APPL2: variants seen among roughly 807,000 people sequenced by gnomAD.
The protein encoded by APPL2 is adaptor protein, phosphotyrosine interacting with PH domain and leucine zipper 2, also known as DCC-interacting protein 13-beta.
Under a neutral mutation model 92.7 loss-of-function variants are expected in APPL2, and 84 were observed. That is an observed-to-expected ratio of 0.91 (90% CI 0.76 to 1.09). APPL2 has a LOEUF of 1.09. APPL2 is among the 50% of genes least tolerant of loss of function. The pLI, the probability that APPL2 is intolerant of heterozygous loss-of-function variation, is 0.00. For missense variants in APPL2, 736 were observed against 824.5 expected, an observed-to-expected ratio of 0.89 and a Z score of 1.31; for synonymous variants, 291 against 291.0, an observed-to-expected ratio of 1.00 and a Z score of 0.00.
chr12:105,186,645 G>GATATATAT (rs879884212), intron 17 of APPL2, among the ~76,000 whole-genome samples: 5 of 128,174 alleles, frequency 3.9e-5, no homozygotes, highest in Non-Finnish European at 6.4e-5. Flanking sequence ...TCATATATAT[G>GATATATAT]ATATCGATAT....
intron 9 of APPL2, among the ~76,000 whole-genome samples, chr12:105,199,812 T>C (rs1566071318): frequency 6.6e-6 from 1 of 152,194 alleles, no homozygotes; most frequent in East Asian, 1.9e-4. Flanking sequence ...ACAGTCTTTT[T>C]TTTTGTTGTT....
rs138491961 is a variant in APPL2 at position 105,211,248 on chromosome 12, G to T, written c.355C>A (p.Arg119=). 1.2e-5 allele frequency: 20 copies of T among 1,613,290 alleles called. No homozygotes were observed. The South Asian group carries it at 2.2e-4, about 18-fold the overall frequency. Residue 119 remains arginine (R), a synonymous_variant, in exon 5 of 21, where the codon CGA becomes AGA. Transcript: ENST00000258530. ...DTMVLPIIQF[R]EKDLTEVSTL... is the part of the protein sequence containing the mutation. ...ACTTTACCTGTGAGATCCTTTTCTC[G>T]GAATTGTATGATAGGTAGAACCATT...
Position 105,207,974 on chromosome 12 carries a change from C to T in APPL2, c.471G>A (p.Glu157=). 5 of 1,612,746 alleles carry T rather than the reference C, an allele frequency of 3.1e-6. No homozygotes were observed. Among genetic ancestry groups the T allele is most frequent in the South Asian group, 1.1e-5 (1 of 91,050 alleles). Residue 157 remains glutamate (E), a synonymous_variant, in exon 7 of 21, where the codon GAG becomes GAA. Transcript: ENST00000258530. The part of the protein sequence containing the change: ...YSRLPKKKEN[E]KVKTEVGKEV... ...ACAACATGTAAAGTATTCTTACCTTCTCATTCTCCTTTTTCTTAGGCAGCC... is the reference window on the plus strand; with the variant it reads ...ACAACATGTAAAGTATTCTTACCTTTTCATTCTCCTTTTTCTTAGGCAGCC...
chr12:105,211,405 C>T (rs1351888583), intron 4 of APPL2, 88 bp from the exon 5 acceptor site: 4 of 954,862 alleles, frequency 4.2e-6, no homozygotes, highest in Non-Finnish European at 4.9e-6. Flanking sequence ...ACACTGAACA[C>T]TTCCGTGTGG....
chr12:105,176,044 CTCAA>C lies in APPL2; in HGVS notation c.1847_1850del (p.Ile616ArgfsTer12). On this transcript the variant is annotated frameshift_variant, in exon 20 of 21. Coordinates refer to ENST00000258530, the MANE Select transcript of APPL2 (RefSeq NM_018171.5). LOFTEE classifies it high-confidence loss of function. ...CTAGAATGCATCTTACCTTCTGAAC[CTCAA>C]TAATTTCTTTTCCCAAATTAATAGC... The C allele has an allele frequency of 8.2e-6, 13 of 1,592,688 alleles. No homozygotes were observed. Among genetic ancestry groups the C allele is most frequent in the Non-Finnish European group, 1.0e-5 (12 of 1,172,028 alleles).
At position 105,223,688 on chromosome 12, in the gene APPL2, T is replaced by C. The variant is rs562466825; in HGVS notation, c.153+5437A>G. On this transcript the variant is annotated intron_variant, in intron 2 of 20. Transcript: ENST00000258530. ...AGCCAAAGATGGCACATACTGCTGT[T>C]CCTTCAAGAAAGGATGAGAGGACTA... is the stretch of plus-strand genomic sequence containing the variant. 1.9e-4 allele frequency among the ~76,000 whole-genome samples: 29 copies of C among 152,322 alleles called. 1 individual carries two copies. Among genetic ancestry groups the C allele is most frequent in the African/African-American group, 6.0e-4 (25 of 41,572 alleles).
At chr12:105,189,736 A>G in intron 16 of APPL2, 36 bp downstream of exon 16, 1 of 1,600,612 alleles carries the variant, frequency 6.2e-7, no homozygotes. Flanking sequence ...CATTTTGTGC[A>G]GAGGAAAGAA....
Position 105,197,868 on chromosome 12 carries a change from C to T in APPL2, c.949G>A (p.Val317Met), listed in dbSNP as rs1032902795. The T allele has an allele frequency of 2.5e-6, 4 of 1,614,202 alleles. No individual in the cohort carries two copies. The highest frequency in any genetic ancestry group is 3.3e-4 in the Middle Eastern group (2 of 6,062). Residue 317 changes from valine to methionine, a missense_variant, in exon 11 of 21, where the codon GTG becomes ATG. Physicochemically the swap from Val to Met is conservative, Grantham distance 21. Transcript: ENST00000258530. ...AGGTCCTGGATCAAACCTCCAGCCA[C>T]GGCTCCCCTGGGCTGACACATGAGA... is the stretch of plus-strand genomic sequence containing the variant. ...GNLMCQPRGAVAGGLIQDLDN... is the reference protein window; with the variant it reads ...GNLMCQPRGAMAGGLIQDLDN...
At chr12:105,194,145 T>C (rs920245978) in intron 14 of APPL2, among the ~76,000 whole-genome samples, 5 of 152,314 alleles carry the variant, frequency 3.3e-5, no homozygotes, top group Admixed American at 1.3e-4. Context: ...CTTTCTACCA[T>C]GCCACTAAAA....
intron 2 of APPL2, among the ~76,000 whole-genome samples, chr12:105,225,325 T>C (rs1384138986): frequency 6.6e-6 from 1 of 152,150 alleles, no homozygotes; most frequent in Non-Finnish European, 1.5e-5. Context: ...TTATTACCCC[T>C]GGCCCCACTT....
chr12:105,209,382 C>A (rs1889025165), intron 5 of APPL2, among the ~76,000 whole-genome samples: 2 of 152,256 alleles, frequency 1.3e-5, no homozygotes, highest in South Asian at 4.1e-4. Flanking sequence ...CTTCTTACTA[C>A]TAACGAGCAG....
rs763402698 is a variant in APPL2, at chr12:105,177,006, G to GT, written c.1681dup (p.Thr561AsnfsTer24). On this transcript the variant is annotated frameshift_variant, in exon 19 of 21. Transcript: ENST00000258530. LOFTEE classifies it high-confidence loss of function. ...ATGAGCAGCAAATTGTGTGACACTGGTAAGTTCAAACTGGGGGGTGGAAAA... is the reference window on the plus strand; with the variant it reads ...ATGAGCAGCAAATTGTGTGACACTGGTTAAGTTCAAACTGGGGGGTGGAAAA... 1.9e-6 allele frequency: 3 copies of GT among 1,614,034 alleles called. No individual in the cohort carries two copies. The East Asian group carries it at 6.7e-5, about 36-fold the overall frequency.
intron 8 of APPL2, 42 bp from the exon 9 acceptor site, chr12:105,203,827 A>G: frequency 6.4e-7 from 1 of 1,562,164 alleles, no homozygotes; most frequent in Non-Finnish European, 8.8e-7. Context: ...CATCCAGGGA[A>G]GTGATCAGTG....
chr12:105,181,050 G>A (rs1886063385), intron 17 of APPL2, among the ~76,000 whole-genome samples: 1 of 152,132 alleles, frequency 6.6e-6, no homozygotes, highest in Non-Finnish European at 1.5e-5. Flanking sequence ...AATTTTCAAA[G>A]GGAATGCTTC....
chr12:105,203,924 CTG>C, intron 8 of APPL2, 139 bp from the exon 9 acceptor site: 1 of 695,022 alleles, frequency 1.4e-6, no homozygotes, highest in East Asian at 2.7e-5. Flanking sequence ...AGCATCTCTA[CTG>C]AGTCTACACC....
intron 20 of APPL2, 74 bp from the exon 21 acceptor site, chr12:105,174,522 C>CA: frequency 6.7e-7 from 1 of 1,496,910 alleles, no homozygotes; most frequent in South Asian, 1.3e-5. Context: ...GCCTGGCTTT[C>CA]AATATGTTCT....
At chr12:105,217,179 T>A (rs747877214) in intron 3 of APPL2, 39 bp from the exon 4 acceptor site, 3 of 1,408,582 alleles carry the variant, frequency 2.1e-6, no homozygotes, top group Non-Finnish European at 2.0e-6. Context: ...GTTAAGTGAA[T>A]ACTGGGGAAT....
At chr12:105,193,968 A>T (rs1203955365) in intron 14 of APPL2, among the ~76,000 whole-genome samples, 2 of 152,008 alleles carry the variant, frequency 1.3e-5, no homozygotes, top group Non-Finnish European at 2.9e-5. Context: ...TTAGACTCAA[A>T]CCTATTTTCT....
At chr12:105,186,913 G>T (rs1269819848) in intron 17 of APPL2, among the ~76,000 whole-genome samples, 1 of 151,606 alleles carries the variant, frequency 6.6e-6, no homozygotes, top group South Asian at 2.1e-4. Context: ...TCAAGTCCTT[G>T]GTCCATTTTT....
Sources: allele counts gnomAD v4.1 joint callset (sites outside exome capture counted in the v4.1 genomes callset), GRCh38; gene constraint gnomAD v4.1.1; transcripts MANE v1.5; gene names NCBI Gene and HGNC (gene_info 2026-07-23, HGNC 2026-07-21).